The following C4orf54 variants were observed in gnomAD, a reference collection of about 807,000 sequenced individuals.
C4orf54 encodes uncharacterized protein C4orf54.
Under a neutral mutation model 80.1 loss-of-function variants are expected in C4orf54, and 67 were observed. That is an observed-to-expected ratio of 0.84 (90% CI 0.69 to 1.03). The LOEUF (loss-of-function observed/expected upper bound fraction) is 1.03, where lower values mean the gene tolerates loss of function less well. Ranked by LOEUF, C4orf54 falls within the 50% of genes least tolerant of loss-of-function variation. The probability of loss-of-function intolerance (pLI) is 0.00; values close to 1 mark genes in which losing one functional copy is unlikely to be tolerated. For missense variants in C4orf54, 2,434 were observed against 2,253.5 expected (o/e 1.08, Z -1.62); for synonymous variants, 1,000 against 917.0 (o/e 1.09, Z -1.64).
At position 99,649,247 on chromosome 4, in the gene C4orf54, C is replaced by A; in HGVS notation, c.*20G>T. ...TTCACTTACCAGCAGTTTTTCATTC[C>A]GCTTCCTGGTGGCTGCTCATCATCT... On this transcript the variant is annotated 3_prime_UTR_variant, in exon 2 of 3. Coordinates refer to ENST00000511828, the MANE Select transcript of C4orf54 (RefSeq NM_001354435.2). 1 of 1,475,806 alleles carries A rather than the reference C, an allele frequency of 6.8e-7. No homozygotes were observed. Among genetic ancestry groups the A allele is most frequent in the Non-Finnish European group, 9.0e-7 (1 of 1,116,706 alleles). The allele number at this position is 1,475,806 out of a possible 1,614,324, so 91.4% of individuals were successfully genotyped here.
chr4:99,643,769 CACACACACACACACACACACACA>C (rs1726645356), intron 2 of C4orf54, among the ~76,000 whole-genome samples: 1 of 140,350 alleles, frequency 7.1e-6, no homozygotes, highest in South Asian at 2.3e-4. Flanking sequence ...CACACACACA[CACACACACACACACACACACACA>C]CCCCCTCCGC....
intron 2 of C4orf54, among the ~76,000 whole-genome samples, chr4:99,641,861 A>G (rs1354975916): frequency 2.0e-5 from 3 of 152,154 alleles, no homozygotes; most frequent in Non-Finnish European, 4.4e-5. Context: ...ATATTTGAAC[A>G]TAATATTATG....
chr4:99,654,619 C>T lies in C4orf54; in HGVS notation c.30G>A (p.Arg10=). Residue 10 remains arginine (R), a synonymous_variant, in exon 2 of 3, where the codon CGG becomes CGA. Coordinates refer to ENST00000511828, the MANE Select transcript of C4orf54 (RefSeq NM_001354435.2). The part of the protein sequence containing the change: MLSFHFWKS[R]GQPTDAASSV... ...AAGAAGCAGCATCTGTAGGTTGACCCCGGGACTTCCAGAAATGAAAGGAAA... is the reference window on the plus strand; with the variant it reads ...AAGAAGCAGCATCTGTAGGTTGACCTCGGGACTTCCAGAAATGAAAGGAAA... 1.4e-6 allele frequency: 1 copy of T among 695,734 alleles called. No homozygotes were observed. The highest frequency in any genetic ancestry group is 1.7e-5 in the African/African-American group (1 of 57,226). 43.1% of individuals were successfully genotyped at this position (695,734 alleles called of 1,614,324 possible). A position where few individuals can be genotyped will look rare whatever the true frequency, so the allele number is the denominator to read the frequency against.
chr4:99,648,372 G>T (rs1402209073), intron 2 of C4orf54, among the ~76,000 whole-genome samples: 1 of 152,144 alleles, frequency 6.6e-6, no homozygotes, highest in Non-Finnish European at 1.5e-5. Flanking sequence ...TTTACCTAGG[G>T]GTAGGTGTGG....
rs546740248 is a variant in C4orf54, at chr4:99,639,766, A to G, written c.*1467T>C. On this transcript the variant is annotated 3_prime_UTR_variant, in exon 3 of 3. Coordinates refer to ENST00000511828, the MANE Select transcript of C4orf54 (RefSeq NM_001354435.2). ...ACAAAGTAAAAAGATTATATAAATCATACAAAACTCAGTCTCCTAGTTTTT... is the reference window on the plus strand; with the variant it reads ...ACAAAGTAAAAAGATTATATAAATCGTACAAAACTCAGTCTCCTAGTTTTT... 1 of 152,146 alleles carries G rather than the reference A, an allele frequency of 6.6e-6. No homozygotes were observed. Among genetic ancestry groups the G allele is most frequent in the Non-Finnish European group, 1.5e-5 (1 of 67,976 alleles). The allele number at this position is 152,146 out of a possible 1,614,324, so 9.4% of individuals were successfully genotyped here.
chr4:99,648,920 C>A (rs1443880806), intron 2 of C4orf54, among the ~76,000 whole-genome samples: 1 of 152,118 alleles, frequency 6.6e-6, no homozygotes, highest in Non-Finnish European at 1.5e-5. Context: ...GCCCTGACAA[C>A]GTTCACCACG....
At position 99,651,998 on chromosome 4, in the gene C4orf54, G is replaced by C; in HGVS notation, c.2651C>G (p.Ala884Gly). The change falls in exon 2 of 3, where the codon GCG becomes GGG. Residue 884 changes from alanine to glycine, a missense_variant. By Grantham distance (60) the Ala-to-Gly change is moderately conservative (BLOSUM62 0). Transcript: ENST00000511828. ...GCCCGCCACGGACCCCTCCCCGCCC[G>C]CGTCGGACATGCTGACCACTGTGTA... ...SEYTVVSMSD[A>G]GGEGSVAGSK... 6.5e-7 allele frequency: 1 copy of C among 1,536,108 alleles called. No individual in the cohort carries two copies. Among genetic ancestry groups the C allele is most frequent in the Non-Finnish European group, 8.7e-7 (1 of 1,146,894 alleles).
Position 99,653,373 on chromosome 4 carries a change from C to T in C4orf54, c.1276G>A (p.Asp426Asn). ...PGDITSLTEE[D>N]DDNSCYLSTT... ...CTGAGGTAGCAGCTGTTGTCGTCGT[C>T]CTCTTCGGTCAGACTGGTGATGTCC... The change falls in exon 2 of 3, where the codon GAC becomes AAC. Residue 426 changes from aspartate to asparagine, a missense_variant. Asp to Asn is a conservative substitution (Grantham distance 23). Coordinates refer to ENST00000511828, the MANE Select transcript of C4orf54 (RefSeq NM_001354435.2). 2 of 1,536,260 alleles carry T rather than the reference C, an allele frequency of 1.3e-6. No individual in the cohort carries two copies.
Position 99,651,411 on chromosome 4 carries a change from T to A in C4orf54, c.3238A>T (p.Asn1080Tyr). The change falls in exon 2 of 3, where the codon AAC (asparagine) becomes TAC (tyrosine). Residue 1080 changes from asparagine (N) to tyrosine (Y), a missense_variant. Coordinates refer to ENST00000511828, the MANE Select transcript of C4orf54 (RefSeq NM_001354435.2). ...TGGAAATGGGGCACTTTTTCTAGGT[T>A]GTCCCCGCGGAAGAGTTTCTGCTGT... ...RAQQKLFRGD[N>Y]LEKVPHFQVR... is the part of the protein sequence containing the mutation. 1 of 1,536,274 alleles carries A rather than the reference T, an allele frequency of 6.5e-7. No individual in the cohort carries two copies. Among genetic ancestry groups the A allele is most frequent in the Non-Finnish European group, 8.7e-7 (1 of 1,146,920 alleles).
At chr4:99,645,884 T>C (rs184090858) in intron 2 of C4orf54, among the ~76,000 whole-genome samples, 3 of 152,280 alleles carry the variant, frequency 2.0e-5, no homozygotes, top group African/African-American at 7.2e-5. Context: ...GCCTTGTGCC[T>C]TAATCACAAT....
chr4:99,651,522 A>T lies in C4orf54; in HGVS notation c.3127T>A (p.Phe1043Ile). The change falls in exon 2 of 3, where the codon TTC becomes ATC. Residue 1043 changes from phenylalanine (F) to isoleucine (I), a missense_variant. By Grantham distance (21) the Phe-to-Ile change is conservative. Transcript: ENST00000511828. ...LGSVQQPSSD[F>I]NIAKLLTPKL... ...GGCGTGAGCAACTTGGCAATGTTGA[A>T]GTCTGAGCTCGGCTGCTGCACACTC... 6.5e-7 allele frequency: 1 copy of T among 1,536,134 alleles called. No homozygotes were observed. Among genetic ancestry groups the T allele is most frequent in the Non-Finnish European group, 8.7e-7 (1 of 1,146,898 alleles).
chr4:99,656,359 A>G (rs1205416837), intron 1 of C4orf54, among the ~76,000 whole-genome samples: 1 of 151,696 alleles, frequency 6.6e-6, no homozygotes, highest in Non-Finnish European at 1.5e-5. Flanking sequence ...GCCTCAATGC[A>G]ACCTCTGCCT....
chr4:99,651,799 T>C lies in C4orf54; in HGVS notation c.2850A>G (p.Lys950=). The C allele has an allele frequency of 6.5e-7, 1 of 1,536,094 alleles. No homozygotes were observed. ...QNSAFRSWKE[K]EAEKREEQAP... ...CTTGTTCCTCCCTCTTCTCGGCCTC[T>C]TTCTCCTTCCATGACCGGAACGCAC... Residue 950 remains lysine, a synonymous_variant, in exon 2 of 3, where the codon AAA becomes AAG. Coordinates refer to ENST00000511828, the MANE Select transcript of C4orf54 (RefSeq NM_001354435.2).
rs1450567350 is a variant in C4orf54 at position 99,652,312 on chromosome 4, G to A, written c.2337C>T (p.Pro779=). The change falls in exon 2 of 3, where the codon CCC becomes CCT. Residue 779 remains proline, a synonymous_variant. Coordinates refer to ENST00000511828, the MANE Select transcript of C4orf54 (RefSeq NM_001354435.2). ...GRATKGPGKG[P]GSAYTDDGSE... ...AGCCGTCGTCCGTGTATGCCGACCCGGGACCCTTGCCGGGGCCTTTGGTGG... is the reference window on the plus strand; with the variant it reads ...AGCCGTCGTCCGTGTATGCCGACCCAGGACCCTTGCCGGGGCCTTTGGTGG... 2.6e-6 allele frequency: 4 copies of A among 1,535,808 alleles called. No individual in the cohort carries two copies. Among genetic ancestry groups the A allele is most frequent in the East Asian group, 4.9e-5 (2 of 40,912 alleles).
rs1726560172 is a variant in C4orf54, at chr4:99,639,062, T to C, written c.*2171A>G. 1 of 152,100 alleles carries C rather than the reference T, an allele frequency of 6.6e-6. No individual in the cohort carries two copies. Among genetic ancestry groups the C allele is most frequent in the African/African-American group, 2.4e-5 (1 of 41,434 alleles). 9.4% of individuals were successfully genotyped at this position (152,100 alleles called of 1,614,324 possible). A position where few individuals can be genotyped will look rare whatever the true frequency, so the allele number is the denominator to read the frequency against. ...GAAACACTGATACATAGATTAGGGG[T>C]CCCAAGCCCTCAACTCTACCACATT... is the stretch of plus-strand genomic sequence containing the variant. On this transcript the variant is annotated 3_prime_UTR_variant, in exon 3 of 3. Coordinates refer to ENST00000511828, the MANE Select transcript of C4orf54 (RefSeq NM_001354435.2).
At position 99,651,872 on chromosome 4, in the gene C4orf54, T is replaced by C; in HGVS notation, c.2777A>G (p.Lys926Arg). ...GCCCTTGACGGTCTCTGAGGCACTC[T>C]TTTTAATTTCACACACTTCTGTGTG... is the stretch of plus-strand genomic sequence containing the variant. ...DGHTEVCEIKKSASETVKGIF... is the reference protein window; with the variant it reads ...DGHTEVCEIKRSASETVKGIF... The change falls in exon 2 of 3, where the codon AAG (lysine) becomes AGG (arginine). Residue 926 changes from lysine (K) to arginine (R), a missense_variant. Lys to Arg is a conservative substitution (Grantham distance 26, BLOSUM62 2). Transcript: ENST00000511828. 6.5e-7 allele frequency: 1 copy of C among 1,536,130 alleles called. No homozygotes were observed. The highest frequency in any genetic ancestry group is 8.7e-7 in the Non-Finnish European group (1 of 1,146,906).
At position 99,651,579 on chromosome 4, in the gene C4orf54, GTCTGA is replaced by G; in HGVS notation, c.3065_3069del (p.Ile1022ThrfsTer37). The G allele has an allele frequency of 6.5e-7, 1 of 1,536,132 alleles. No homozygotes were observed. Among genetic ancestry groups the G allele is most frequent in the South Asian group, 1.2e-5 (1 of 84,054 alleles). On this transcript the variant is annotated frameshift_variant, in exon 2 of 3. Coordinates refer to ENST00000511828, the MANE Select transcript of C4orf54 (RefSeq NM_001354435.2). LOFTEE classifies it high-confidence loss of function. ...CGGATCTTGATTTCGGGAGCCTTGG[GTCTGA>G]TCACCGCTGTGGAGGTGGCCTGAGC...
chr4:99,652,465 G>C lies in C4orf54; in HGVS notation c.2184C>G (p.Ile728Met). Reference sequence around the variant, plus strand: ...AACACAGGGGCGTCTCCACATGTTTGATTTCCCCCTCGACTTTGCTGACCA... The same window carrying C: ...AACACAGGGGCGTCTCCACATGTTTCATTTCCCCCTCGACTTTGCTGACCA... ...EFVVSKVEGE[I>M]KHVETPLCFQ... The change falls in exon 2 of 3, where the codon ATC (isoleucine) becomes ATG (methionine). Residue 728 changes from isoleucine to methionine, a missense_variant. Ile to Met is a conservative substitution (Grantham distance 10, BLOSUM62 1). Transcript: ENST00000511828. 1.3e-6 allele frequency: 2 copies of C among 1,535,926 alleles called. No individual in the cohort carries two copies. The highest frequency in any genetic ancestry group is 1.7e-6 in the Non-Finnish European group (2 of 1,146,802).
chr4:99,643,739 AACAC>A (rs754039570), intron 2 of C4orf54, among the ~76,000 whole-genome samples: 4,247 of 98,872 alleles, frequency 0.043, 104 homozygotes, highest in East Asian at 0.077. Context: ...CCCAAGCCAC[AACAC>A]ACACACACAC....
Sources: gnomAD v4.1 joint callset for allele counts (sites outside exome capture counted in the v4.1 genomes callset) on GRCh38, gnomAD v4.1.1 for gene constraint, MANE v1.5 for transcripts, NCBI Gene and HGNC (gene_info 2026-07-23, HGNC 2026-07-21) for gene names.